FAF1: variants seen among roughly 807,000 people sequenced by gnomAD.
The protein encoded by FAF1 is FAS-associated factor 1.
Under a neutral mutation model 92.5 loss-of-function variants are expected in FAF1, and 25 were observed. That is an observed-to-expected ratio of 0.27 (90% CI 0.20 to 0.38). The LOEUF (loss-of-function observed/expected upper bound fraction) is 0.38, where lower values mean the gene tolerates loss of function less well. FAF1 is among the 10% of genes least tolerant of loss of function. FAF1 has a pLI of 1.00. For synonymous variants in FAF1, 234 were observed against 273.2 expected (o/e 0.86, Z 1.42); for missense variants, 636 against 793.3 (o/e 0.80, Z 2.38).
At chr1:50,514,454 G>A (rs551892063) in intron 15 of FAF1, among the ~76,000 whole-genome samples, 2 of 152,294 alleles carry the variant, frequency 1.3e-5, no homozygotes, top group African/African-American at 4.8e-5. Context: ...CACTCTTTCA[G>A]GTTACTACTT....
In FAF1 at chr1:50,583,629, T is replaced by C. The variant is rs770077411; in HGVS notation, c.1031+23A>G. On this transcript the variant is annotated intron_variant, in intron 11 of 18. Transcript: ENST00000396153. The surrounding 1 kb of genome is among the most constrained non-coding windows in gnomAD (Gnocchi z 4.2). The stretch of plus-strand genomic sequence containing the variant: ...GTAGCATAAAACAGCATCAAATTTA[T>C]ATAGTTAATGTCCTAACCCTACCTT... The C allele has an allele frequency of 7.1e-6, 10 of 1,417,940 alleles. No individual in the cohort carries two copies. The East Asian group carries it at 1.9e-4, about 27-fold the overall frequency. The allele number at this position is 1,417,940 out of a possible 1,614,324, so 87.8% of individuals were successfully genotyped here.
At chr1:50,780,490 G>A (rs866907476) in intron 4 of FAF1, 2 of 190,676 alleles carry the variant, frequency 1.0e-5, no homozygotes, top group Middle Eastern at 1.0e-3. Context: ...CACCGGTAGA[G>A]ACAGGGACTC....
At chr1:50,654,761 T>C (rs1655026518) in intron 8 of FAF1, among the ~76,000 whole-genome samples, 2 of 152,198 alleles carry the variant, frequency 1.3e-5, no homozygotes, top group African/African-American at 4.8e-5. Flanking sequence ...TGTTTTTGCC[T>C]TGAACATTTC....
chr1:50,775,618 G>A (rs759540579), intron 4 of FAF1, among the ~76,000 whole-genome samples: 4 of 152,046 alleles, frequency 2.6e-5, no homozygotes, highest in African/African-American at 9.7e-5. Context: ...GGCACATGAG[G>A]AGATGCGTGT....
rs113814626 is a variant in FAF1, at chr1:50,691,458, T to C, written c.657+14328A>G. On this transcript the variant is annotated intron_variant, in intron 7 of 18. Transcript: ENST00000396153. ...GGTTTCACCATGTTGCCCAGGCTGG[T>C]CTCAAACTCCTGACCTCAAGTAATC... is the stretch of plus-strand genomic sequence containing the variant. Among the ~76,000 whole-genome samples the C allele has an allele frequency of 2.8e-3, 423 of 152,162 alleles. 4 individuals are homozygous for C. Among genetic ancestry groups the C allele is most frequent in the African/African-American group, 9.7e-3 (401 of 41,512 alleles).
intron 1 of FAF1, among the ~76,000 whole-genome samples, chr1:50,907,322 G>T (rs560354195): frequency 6.6e-6 from 1 of 152,198 alleles, no homozygotes; most frequent in South Asian, 2.1e-4. Flanking sequence ...GTTCATCAGG[G>T]ATATTAGTCT....
At position 50,791,879 on chromosome 1, in the gene FAF1, G is replaced by C. The variant is rs1326289003; in HGVS notation, c.162-3674C>G. ...CCTGATTGGATCCTGATACAGTGAA[G>C]AGTTCCCAGGAAACATACTTTCAAG... On this transcript the variant is annotated intron_variant, in intron 3 of 18. Transcript: ENST00000396153. Among the ~76,000 whole-genome samples the C allele has an allele frequency of 2.6e-5, 4 of 152,118 alleles. No individual in the cohort carries two copies. The South Asian group carries it at 8.3e-4, about 32-fold the overall frequency.
intron 15 of FAF1, among the ~76,000 whole-genome samples, chr1:50,499,924 T>C (rs547539630): frequency 6.6e-6 from 1 of 152,146 alleles, no homozygotes; most frequent in Admixed American, 6.5e-5. Flanking sequence ...TATAATAGCA[T>C]AAAATATATG....
At chr1:50,493,997 C>T (rs1354766513) in intron 15 of FAF1, among the ~76,000 whole-genome samples, 2 of 152,240 alleles carry the variant, frequency 1.3e-5, no homozygotes, top group Non-Finnish European at 2.9e-5. Context: ...CCATCAAATA[C>T]AGGGATCTTG....
chr1:50,830,472 T>C lies in FAF1; in HGVS notation c.114+27457A>G, dbSNP rs566443931. 1.3e-5 allele frequency among the ~76,000 whole-genome samples: 2 copies of C among 152,356 alleles called. 1 individual carries two copies. The highest frequency in any genetic ancestry group is 4.1e-4 in the South Asian group (2 of 4,828). ...AAAGGTTGTTCTTATAAACTTTCTA[T>C]GATAGTTATTAGAGTTAATTCAAAT... On this transcript the variant is annotated intron_variant, in intron 2 of 18. Coordinates refer to ENST00000396153, the MANE Select transcript of FAF1 (RefSeq NM_007051.3).
intron 4 of FAF1, among the ~76,000 whole-genome samples, chr1:50,760,705 T>A (rs1660289860): frequency 6.6e-6 from 1 of 152,100 alleles, no homozygotes; most frequent in South Asian, 2.1e-4. Flanking sequence ...GAGGGAAATT[T>A]ATAGCACTAA....
chr1:50,646,478 T>A (rs1654592316), intron 8 of FAF1, among the ~76,000 whole-genome samples: 1 of 152,232 alleles, frequency 6.6e-6, no homozygotes, highest in Non-Finnish European at 1.5e-5. Context: ...ACAATTTAAA[T>A]AAATGAATGC....
intron 15 of FAF1, among the ~76,000 whole-genome samples, chr1:50,499,980 G>C (rs1172294766): frequency 6.6e-6 from 1 of 152,148 alleles, no homozygotes; most frequent in South Asian, 2.1e-4. Flanking sequence ...CAATCTGTAT[G>C]TCGAACATCA....
chr1:50,677,895 C>CAAAA (rs1036524797), intron 7 of FAF1, among the ~76,000 whole-genome samples: 74 of 62,410 alleles, frequency 1.2e-3, no homozygotes, highest in South Asian at 6.4e-3. Context: ...AACTCTGCCT[C>CAAAA]AAAAAAAAAA....
chr1:50,803,062 C>T (rs1662059828), intron 2 of FAF1, among the ~76,000 whole-genome samples: 2 of 152,308 alleles, frequency 1.3e-5, no homozygotes, highest in African/African-American at 4.8e-5. Context: ...ACCCTGACGA[C>T]TCTGGAGGCT....
intron 15 of FAF1, among the ~76,000 whole-genome samples, chr1:50,531,153 A>T (rs936727301): frequency 6.6e-6 from 1 of 152,194 alleles, no homozygotes; most frequent in Non-Finnish European, 1.5e-5. Context: ...CCACTAATGT[A>T]TTCTTAGAAT....
intron 1 of FAF1, among the ~76,000 whole-genome samples, chr1:50,906,869 C>A (rs1644843372): frequency 6.6e-6 from 1 of 152,090 alleles, no homozygotes; most frequent in Non-Finnish European, 1.5e-5. Flanking sequence ...AATCCCCTTT[C>A]TTTATTTCTC....
chr1:50,855,611 C>T (rs1644385101), intron 2 of FAF1, among the ~76,000 whole-genome samples: 1 of 151,774 alleles, frequency 6.6e-6, no homozygotes, highest in African/African-American at 2.4e-5. Flanking sequence ...CATGATGCTA[C>T]TGAAAAGTTT....
chr1:50,803,039 T>C (rs912110829), intron 2 of FAF1, among the ~76,000 whole-genome samples: 23 of 152,150 alleles, frequency 1.5e-4, no homozygotes, highest in African/African-American at 4.8e-4. Context: ...ACATAGACAA[T>C]AGATACCACA....
Sources: gnomAD v4.1 joint callset for allele counts (sites outside exome capture counted in the v4.1 genomes callset) on GRCh38, gnomAD v4.1.1 for gene constraint, Gnocchi (gnomAD v3.1) non-coding constraint, MANE v1.5 for transcripts, NCBI Gene and HGNC (gene_info 2026-07-23, HGNC 2026-07-21) for gene names.